Variants in PTCHD1 observed in about 807,000 individuals in gnomAD.
The protein encoded by PTCHD1 is patched domain containing 1.
A neutral mutation model predicts 34.6 loss-of-function variants in PTCHD1; 3 were observed. The observed-to-expected ratio is 0.09, with a 90% CI of 0.04 to 0.22. The LOEUF (loss-of-function observed/expected upper bound fraction) is 0.22. PTCHD1 is among the 10% of genes least tolerant of loss of function. The pLI is 1.00. For missense variants in PTCHD1, 504 were observed against 685.5 expected (o/e 0.74, Z 2.96); for synonymous variants, 305 against 283.1 (o/e 1.08, Z -0.77).
At chrX:23,380,854 TC>T (rs2146642793) in intron 2 of PTCHD1, among the ~76,000 whole-genome samples, 1 of 111,114 alleles carries the variant, frequency 9.0e-6, no homozygotes, top group South Asian at 3.9e-4. Flanking sequence ...TGAGGGCTGC[TC>T]CCCAGGCCAG....
rs1243923048 is a variant in PTCHD1, at chrX:23,395,874, A to G, written c.*1689A>G. The G allele has an allele frequency of 3.6e-5, 4 of 111,657 alleles. No individual in the cohort carries two copies. Among genetic ancestry groups the G allele is most frequent in the Non-Finnish European group, 7.5e-5 (4 of 53,048 alleles). 9.2% of individuals were successfully genotyped at this position (111,657 alleles called of 1,213,427 possible). ...TTACCTATCTTCTGCAGAGGAGGAA[A>G]CTGAGACCTAGGAGAATAAAGTGAC... On this transcript the variant is annotated 3_prime_UTR_variant, in exon 3 of 3. Coordinates refer to ENST00000379361, the MANE Select transcript of PTCHD1 (RefSeq NM_173495.3).
chrX:23,342,333 A>T lies in PTCHD1; in HGVS notation c.351+7107A>T, dbSNP rs7882739. Among the ~76,000 whole-genome samples, 82 of 31,685 alleles carry T rather than the reference A, an allele frequency of 2.6e-3. 2 individuals are homozygous for T. The highest frequency in any genetic ancestry group is 0.022 in the Middle Eastern group (1 of 46). 27.5% of individuals were successfully genotyped at this position (31,685 alleles called of 115,157 possible). A position where few individuals can be genotyped will look rare whatever the true frequency, so the allele number is the denominator to read the frequency against. ...ATATTTTTTTTTTTTTTTTTTTTTT[A>T]AAAGAATTGGGTACAGAGCTACAGG... On this transcript the variant is annotated intron_variant, in intron 1 of 2. Transcript: ENST00000379361.
At chrX:23,380,438 GCCAGAAGTTCAAAGT>G (rs1168733176) in intron 2 of PTCHD1, 187 bp downstream of exon 2, 4 of 503,822 alleles carry the variant, frequency 7.9e-6, no homozygotes, top group Non-Finnish European at 1.1e-5. Context: ...TGGTAAATGT[GCCAGAAGTTCAAAGT>G]CCTGGGTTCT....
rs901039884 is a variant in PTCHD1, at chrX:23,403,530, A to G, written c.*9345A>G. ...ATGTACCCAGAACAATTTCCCACAA[A>G]GAGCTGTAATACTTTGCAGCAAGGG... On this transcript the variant is annotated 3_prime_UTR_variant, in exon 3 of 3. Coordinates refer to ENST00000379361, the MANE Select transcript of PTCHD1 (RefSeq NM_173495.3). The G allele has an allele frequency of 8.9e-5, 10 of 112,046 alleles. No homozygotes were observed. The highest frequency in any genetic ancestry group is 1.7e-4 in the Non-Finnish European group (9 of 53,233). The allele number at this position is 112,046 out of a possible 1,213,427, so 9.2% of individuals were successfully genotyped here. A position where few individuals can be genotyped will look rare whatever the true frequency, so the allele number is the denominator to read the frequency against.
At chrX:23,375,577 C>T (rs1300695895) in intron 1 of PTCHD1, among the ~76,000 whole-genome samples, 3 of 111,210 alleles carry the variant, frequency 2.7e-5, no homozygotes, top group South Asian at 7.6e-4. Context: ...CCGCGCCGCC[C>T]GGCCGGGCTG....
rs189764914 is a variant in PTCHD1, at chrX:23,341,296, A to G, written c.351+6070A>G. 2.7e-4 allele frequency among the ~76,000 whole-genome samples: 30 copies of G among 112,354 alleles called. No individual in the cohort carries two copies. In the East Asian group the frequency reaches 8.1e-3, roughly 30 times the overall value. On this transcript the variant is annotated intron_variant, in intron 1 of 2. Transcript: ENST00000379361. The stretch of plus-strand genomic sequence containing the variant: ...GAGCCTCTCAGGATTCACCAGACCT[A>G]TAAAGCTCACAGGACAGTCAAGCAT...
At chrX:23,375,607 C>A (rs1160037711) in intron 1 of PTCHD1, among the ~76,000 whole-genome samples, 1 of 111,758 alleles carries the variant, frequency 8.9e-6, no homozygotes, top group Admixed American at 9.4e-5. Context: ...TATCCACCCC[C>A]AAGTTGTCTT....
intron 2 of PTCHD1, among the ~76,000 whole-genome samples, chrX:23,392,264 C>T (rs748212366): frequency 1.8e-5 from 2 of 109,032 alleles, no homozygotes; most frequent in African/African-American, 3.4e-5. Context: ...TTTGGTGGAA[C>T]ACTCCAAAGA....
intron 1 of PTCHD1, among the ~76,000 whole-genome samples, chrX:23,370,117 A>G (rs1922239145): frequency 8.9e-6 from 1 of 112,068 alleles, no homozygotes; most frequent in African/African-American, 3.2e-5. Context: ...GTACAGAGCA[A>G]TTTACATTCA....
rs762731357 is a variant in PTCHD1, at chrX:23,334,853, T to A, written c.-23T>A. 2 of 1,114,138 alleles carry A rather than the reference T, an allele frequency of 1.8e-6. No homozygotes were observed. The highest frequency in any genetic ancestry group is 2.4e-6 in the Non-Finnish European group (2 of 838,410). 91.8% of individuals were successfully genotyped at this position (1,114,138 alleles called of 1,213,427 possible). Reference sequence around the variant, plus strand: ...GCGCCGAGCGTGCGCCTCGCCCTCCTCCCGCGCCCGCTCTGCTCTAGGATG... The same window carrying A: ...GCGCCGAGCGTGCGCCTCGCCCTCCACCCGCGCCCGCTCTGCTCTAGGATG... On this transcript the variant is annotated 5_prime_UTR_variant, in exon 1 of 3. Coordinates refer to ENST00000379361, the MANE Select transcript of PTCHD1 (RefSeq NM_173495.3).
At chrX:23,354,454 AAC>A (rs199806713) in intron 1 of PTCHD1, among the ~76,000 whole-genome samples, 126 of 100,597 alleles carry the variant, frequency 1.3e-3, no homozygotes, top group Non-Finnish European at 2.0e-3. Context: ...GAGAGAGAGA[AAC>A]ACACAACTTT....
At chrX:23,381,427 G>A (rs1386175965) in intron 2 of PTCHD1, among the ~76,000 whole-genome samples, 1 of 112,622 alleles carries the variant, frequency 8.9e-6, no homozygotes, top group Non-Finnish European at 1.9e-5. Context: ...ATGTCATTTG[G>A]AATCAGATAC....
chrX:23,384,437 A>G (rs1354465704), intron 2 of PTCHD1, among the ~76,000 whole-genome samples: 2 of 112,017 alleles, frequency 1.8e-5, no homozygotes, highest in Admixed American at 9.5e-5. Flanking sequence ...GATTATTTCT[A>G]ATTTGCGGAT....
Position 23,394,450 on chromosome X carries a change from A to ACC in PTCHD1, c.*267_*268dup, listed in dbSNP as rs1555912833. 3.6e-4 allele frequency: 104 copies of ACC among 291,828 alleles called. No homozygotes were observed. The East Asian group carries it at 5.4e-3, about 15-fold the overall frequency. The allele number at this position is 291,828 out of a possible 1,213,427, so 24.0% of individuals were successfully genotyped here. A position where few individuals can be genotyped will look rare whatever the true frequency, so the allele number is the denominator to read the frequency against. On this transcript the variant is annotated 3_prime_UTR_variant, in exon 3 of 3. Coordinates refer to ENST00000379361, the MANE Select transcript of PTCHD1 (RefSeq NM_173495.3). ...CACACACACACACACACACACACAC[A>ACC]CCCTGGGAGACCTATAGTCTCTTAA... is the stretch of plus-strand genomic sequence containing the variant.
intron 1 of PTCHD1, among the ~76,000 whole-genome samples, chrX:23,342,289 TATATATATATATATATATATA>T (rs1287303301): frequency 5.8e-3 from 35 of 5,998 alleles, no homozygotes; most frequent in East Asian, 0.045. Flanking sequence ...TATATATATA[TATATATATATATATATATATA>T]TTTTTTTTTT....
chrX:23,401,605 A>G lies in PTCHD1; in HGVS notation c.*7420A>G, dbSNP rs1371098023. ...TATACCTGTACATATGCACATGCTT[A>G]CATACACACATATCACAGATGTGCA... is the stretch of plus-strand genomic sequence containing the variant. On this transcript the variant is annotated 3_prime_UTR_variant, in exon 3 of 3. Coordinates refer to ENST00000379361, the MANE Select transcript of PTCHD1 (RefSeq NM_173495.3). 3 of 113,219 alleles carry G rather than the reference A, an allele frequency of 2.6e-5. No individual in the cohort carries two copies. In the East Asian group the frequency reaches 8.3e-4, roughly 31 times the overall value. The allele number at this position is 113,219 out of a possible 1,213,427, so 9.3% of individuals were successfully genotyped here. A position where few individuals can be genotyped will look rare whatever the true frequency, so the allele number is the denominator to read the frequency against.
At chrX:23,360,286 T>C (rs1189479891) in intron 1 of PTCHD1, among the ~76,000 whole-genome samples, 2 of 111,701 alleles carry the variant, frequency 1.8e-5, no homozygotes, top group Non-Finnish European at 3.8e-5. Flanking sequence ...CTGGACTTTT[T>C]TTTGCTTGGT....
chrX:23,357,023 A>G (rs1921826859), intron 1 of PTCHD1, among the ~76,000 whole-genome samples: 3 of 112,037 alleles, frequency 2.7e-5, no homozygotes, highest in Non-Finnish European at 5.6e-5. Flanking sequence ...GACTTCCTCA[A>G]GGTCATCAGG....
chrX:23,380,511 ATCT>A (rs1205904258), intron 2 of PTCHD1, among the ~76,000 whole-genome samples: 1 of 111,251 alleles, frequency 9.0e-6, no homozygotes, highest in Non-Finnish European at 1.9e-5. Flanking sequence ...GCAGGTATTA[ATCT>A]TCTCCTTGTC....
Sources: gnomAD v4.1 joint callset for allele counts (sites outside exome capture counted in the v4.1 genomes callset) on GRCh38, gnomAD v4.1.1 for gene constraint, MANE v1.5 for transcripts, NCBI Gene and HGNC (gene_info 2026-07-23, HGNC 2026-07-21) for gene names.